VPS37A: variants seen among roughly 807,000 people sequenced by gnomAD.
The protein encoded by VPS37A is vacuolar protein sorting-associated protein 37A.
VPS37A carries 30 observed loss-of-function variants against 49.8 expected under a neutral mutation model. The ratio of observed to expected loss-of-function variants is 0.60; its 90% CI spans 0.45 to 0.82. The LOEUF is 0.82. VPS37A is among the 40% of genes least tolerant of loss of function. VPS37A has a pLI of 0.00. For synonymous variants in VPS37A, 195 were observed against 160.6 expected (o/e 1.21, Z -1.62); for missense variants, 593 against 464.4 (o/e 1.28, Z -2.55).
chr8:17,251,613 A>G (rs910581823), intron 1 of VPS37A, among the ~76,000 whole-genome samples: 11 of 152,218 alleles, frequency 7.2e-5, no homozygotes, highest in Non-Finnish European at 1.3e-4. Flanking sequence ...CTTTCCATTT[A>G]GAAAGCAAGT....
intron 1 of VPS37A, among the ~76,000 whole-genome samples, chr8:17,263,893 A>T (rs1055665265): frequency 6.6e-6 from 1 of 152,154 alleles, no homozygotes; most frequent in Non-Finnish European, 1.5e-5. Flanking sequence ...GTGAGCCAAG[A>T]TCGTGTCACC....
the VPS37A span, among the ~76,000 whole-genome samples, chr8:17,310,892 T>C: frequency 2.0e-5 from 3 of 148,832 alleles, no homozygotes; most frequent in African/African-American, 7.8e-5. Flanking sequence ...TAGTGAAAAC[T>C]TCACCATCCC....
chr8:17,265,053 TAAAGC>T (rs1243528722), intron 1 of VPS37A, among the ~76,000 whole-genome samples: 9 of 152,286 alleles, frequency 5.9e-5, no homozygotes, highest in Admixed American at 3.9e-4. Context: ...TTCTCACACA[TAAAGC>T]AAATTCAGAG....
intron 9 of VPS37A, among the ~76,000 whole-genome samples, chr8:17,281,426 A>T (rs1035022157): frequency 6.6e-6 from 1 of 152,072 alleles, no homozygotes; most frequent in Admixed American, 6.5e-5. Context: ...GGACCTTAGT[A>T]AATGTTGAAG....
At chr8:17,252,152 T>G (rs567079384) in intron 1 of VPS37A, among the ~76,000 whole-genome samples, 1 of 152,322 alleles carries the variant, frequency 6.6e-6, no homozygotes, top group Non-Finnish European at 1.5e-5. Flanking sequence ...AATTTTTGTA[T>G]TAAAATTTCC....
At chr8:17,289,620 A>G (rs570705501) in intron 11 of VPS37A, among the ~76,000 whole-genome samples, 1 of 152,132 alleles carries the variant, frequency 6.6e-6, no homozygotes, top group Non-Finnish European at 1.5e-5. Context: ...GTATAGTTTG[A>G]AGTCAGGTAG....
At position 17,246,969 on chromosome 8, in the gene VPS37A, A is replaced by C; in HGVS notation, c.-276A>C. 2.2e-6 allele frequency: 1 copy of C among 461,566 alleles called. No individual in the cohort carries two copies. 28.6% of individuals were successfully genotyped at this position (461,566 alleles called of 1,614,324 possible). Reference sequence around the variant, plus strand: ...GCGGGTGGTGGAGCGCTGGGCGGCCAGGCTCCCTGGCTGGCCGGTTTGGGC... The same window carrying C: ...GCGGGTGGTGGAGCGCTGGGCGGCCCGGCTCCCTGGCTGGCCGGTTTGGGC... On this transcript the variant is annotated 5_prime_UTR_variant, in exon 1 of 12. Coordinates refer to ENST00000324849, the MANE Select transcript of VPS37A (RefSeq NM_152415.3).
downstream of VPS37A, chr8:17,302,211 T>C (rs1387045244): frequency 6.2e-7 from 1 of 1,614,098 alleles, no homozygotes; most frequent in Admixed American, 1.7e-5. Flanking sequence ...TCACTGCCAT[T>C]AGGTAATCTG....
the VPS37A span, among the ~76,000 whole-genome samples, chr8:17,314,385 CAT>C: frequency 5.3e-5 from 8 of 152,186 alleles, no homozygotes; most frequent in African/African-American, 1.9e-4. Flanking sequence ...TAGTCTTGCA[CAT>C]GTTATTCCAG....
intron 4 of VPS37A, among the ~76,000 whole-genome samples, chr8:17,269,866 A>G (rs925725716): frequency 6.6e-6 from 1 of 152,154 alleles, no homozygotes; most frequent in African/African-American, 2.4e-5. Flanking sequence ...TTGCATTGCT[A>G]TAAAGGAATA....
In VPS37A at chr8:17,268,882, A is replaced by G. The variant is rs2150378462; in HGVS notation, c.342A>G (p.Lys114=). Residue 114 remains lysine, a synonymous_variant, in exon 4 of 12, where the codon AAA becomes AAG. Transcript: ENST00000324849. The stretch of plus-strand genomic sequence containing the variant: ...TTACAATGCACTCAGATCTTGGAAA[A>G]ATTATTCAGAGTCTGTTGGATGAGT... ...NNFTMHSDLG[K]IIQSLLDEFW... 2 of 1,609,338 alleles carry G rather than the reference A, an allele frequency of 1.2e-6. No individual in the cohort carries two copies. Among genetic ancestry groups the G allele is most frequent in the East Asian group, 2.2e-5 (1 of 44,660 alleles).
At position 17,295,234 on chromosome 8, in the gene VPS37A, T is replaced by C. The variant is rs1816534684; in HGVS notation, c.*248T>C. ...TTGATAAATTGTATCATATTTAAGT[T>C]CCACTGCTGTTCCTCTTACCTTGAT... On this transcript the variant is annotated 3_prime_UTR_variant, in exon 12 of 12. Coordinates refer to ENST00000324849, the MANE Select transcript of VPS37A (RefSeq NM_152415.3). 6.5e-6 allele frequency: 1 copy of C among 152,694 alleles called. No homozygotes were observed. The highest frequency in any genetic ancestry group is 2.1e-4 in the South Asian group (1 of 4,838). The allele number at this position is 152,694 out of a possible 1,614,324, so 9.5% of individuals were successfully genotyped here.
In VPS37A at chr8:17,247,214, C is replaced by T. The variant is rs752839025; in HGVS notation, c.-31C>T. On this transcript the variant is annotated 5_prime_UTR_variant, in exon 1 of 12. Transcript: ENST00000324849. ...ACTGGGAGAAGCAGGCCAGAGCCTT[C>T]CAGGGCCTCCGGCCCGTGGACCCGA... 94 of 1,561,898 alleles carry T rather than the reference C, an allele frequency of 6.0e-5. No individual in the cohort carries two copies. In the Admixed American group the frequency reaches 1.6e-3, roughly 27 times the overall value.
At chr8:17,256,782 A>G (rs914783132) in intron 1 of VPS37A, among the ~76,000 whole-genome samples, 6 of 152,026 alleles carry the variant, frequency 3.9e-5, no homozygotes, top group African/African-American at 1.5e-4. Flanking sequence ...CCTTCCAAGT[A>G]GCTGGGATTA....
chr8:17,293,136 G>C (rs1816299575), intron 11 of VPS37A, among the ~76,000 whole-genome samples: 1 of 152,024 alleles, frequency 6.6e-6, no homozygotes, highest in Admixed American at 6.6e-5. Context: ...TTTCTTGGAG[G>C]CTTTGTTTGT....
downstream of VPS37A, among the ~76,000 whole-genome samples, chr8:17,304,022 C>T (rs1817294256): frequency 6.6e-6 from 1 of 152,124 alleles, no homozygotes; most frequent in Non-Finnish European, 1.5e-5. Context: ...TATTTTTGCT[C>T]CAACCTTAAC....
chr8:17,306,069 T>C (rs1401767873), downstream of VPS37A: 1 of 841,000 alleles, frequency 1.2e-6, no homozygotes, highest in Non-Finnish European at 1.8e-6. Context: ...AAATCTTATC[T>C]TACAAACTTG....
chr8:17,321,969 C>G, the VPS37A span, among the ~76,000 whole-genome samples: 4 of 152,180 alleles, frequency 2.6e-5, no homozygotes, highest in African/African-American at 7.2e-5. Context: ...ATTTCCTATA[C>G]CACTCTTATT....
intron 4 of VPS37A, among the ~76,000 whole-genome samples, chr8:17,272,789 G>A (rs1217319681): frequency 6.6e-6 from 1 of 151,880 alleles, no homozygotes; most frequent in African/African-American, 2.4e-5. Context: ...TTTTTCTAGG[G>A]GTCATATATT....
Sources: allele counts gnomAD v4.1 joint callset (sites outside exome capture counted in the v4.1 genomes callset), GRCh38; gene constraint gnomAD v4.1.1; transcripts MANE v1.5; gene names NCBI Gene and HGNC (gene_info 2026-07-23, HGNC 2026-07-21).